The following PRDM11 variants were observed in gnomAD, a reference collection of about 807,000 sequenced individuals.
PRDM11 encodes PR/SET domain 11.
A neutral mutation model predicts 97.8 loss-of-function variants in PRDM11; 20 were observed. That is an observed-to-expected ratio of 0.20 (90% CI 0.14 to 0.30). The LOEUF (loss-of-function observed/expected upper bound fraction) is 0.30. Ranked by LOEUF, PRDM11 falls within the 10% of genes least tolerant of loss-of-function variation. The probability of loss-of-function intolerance (pLI) is 1.00; values close to 1 mark genes in which losing one functional copy is unlikely to be tolerated. For synonymous variants in PRDM11, 599 were observed against 637.7 expected (o/e 0.94, Z 0.91); for missense variants, 1,139 against 1,555.2 (o/e 0.73, Z 4.50).
intron 1 of PRDM11, among the ~76,000 whole-genome samples, chr11:45,126,288 C>T (rs1294353446): frequency 6.6e-6 from 1 of 152,002 alleles, no homozygotes; most frequent in African/African-American, 2.4e-5. Flanking sequence ...GACTCTTTAT[C>T]CAATTTGCCA....
At chr11:45,218,467 AT>A (rs1854019525) in intron 5 of PRDM11, among the ~76,000 whole-genome samples, 1 of 152,190 alleles carries the variant, frequency 6.6e-6, no homozygotes, top group Non-Finnish European at 1.5e-5. Context: ...TCTTCTGTGA[AT>A]TTTTGTTTCC....
At chr11:45,130,069 T>C (rs1033411669) in intron 1 of PRDM11, among the ~76,000 whole-genome samples, 1 of 152,186 alleles carries the variant, frequency 6.6e-6, no homozygotes, top group Non-Finnish European at 1.5e-5. Context: ...CTTAGATCAA[T>C]TGGATATTCA....
chr11:45,130,233 A>G (rs986132297), intron 1 of PRDM11, among the ~76,000 whole-genome samples: 5 of 152,202 alleles, frequency 3.3e-5, no homozygotes, highest in African/African-American at 1.2e-4. Context: ...AAGTTGTTAG[A>G]ACACCAAAGC....
rs1320263703 is a variant in PRDM11, at chr11:45,219,132, A to G, written c.555-438A>G. Among the ~76,000 whole-genome samples the G allele has an allele frequency of 6.6e-6, 1 of 152,222 alleles. No homozygotes were observed. Among genetic ancestry groups the G allele is most frequent in the Non-Finnish European group, 1.5e-5 (1 of 68,040 alleles). ...GGGCTATTTCAGCAAGGCTTTGTGA[A>G]ATACTGGAAACAGTTGAAGGACCCC... On this transcript the variant is annotated intron_variant, in intron 5 of 7. Transcript: ENST00000683152. The surrounding 1 kb of genome is among the most constrained non-coding windows in gnomAD (Gnocchi z 4.2).
intron 5 of PRDM11, among the ~76,000 whole-genome samples, chr11:45,215,586 A>G (rs1853934216): frequency 6.6e-6 from 1 of 152,258 alleles, no homozygotes; most frequent in Non-Finnish European, 1.5e-5. Flanking sequence ...CAAAAGGGAC[A>G]GTGAGGACTT....
At chr11:45,121,115 T>C (rs1283124240) in intron 1 of PRDM11, among the ~76,000 whole-genome samples, 1 of 152,016 alleles carries the variant, frequency 6.6e-6, no homozygotes, top group Non-Finnish European at 1.5e-5. Context: ...AAACGAAGAA[T>C]AGATGGTTCA....
chr11:45,212,567 C>G (rs935413105), intron 5 of PRDM11: 1 of 456,222 alleles, frequency 2.2e-6, no homozygotes, highest in African/African-American at 2.0e-5. Flanking sequence ...CAGGCCCGCC[C>G]TGCTCCGTTC....
intron 1 of PRDM11, among the ~76,000 whole-genome samples, chr11:45,173,110 C>T (rs1852241325): frequency 6.6e-6 from 1 of 152,136 alleles, no homozygotes; most frequent in African/African-American, 2.4e-5. Context: ...GGTTCCTGAT[C>T]CAGTCATTGG....
chr11:45,177,393 A>C (rs1475544606), intron 1 of PRDM11, among the ~76,000 whole-genome samples: 1 of 152,212 alleles, frequency 6.6e-6, no homozygotes, highest in Non-Finnish European at 1.5e-5. Flanking sequence ...GGCAGGTAGG[A>C]CTAGAGCATT....
At chr11:45,152,065 C>CATTT (rs764463745) in intron 1 of PRDM11, among the ~76,000 whole-genome samples, 37 of 151,970 alleles carry the variant, frequency 2.4e-4, no homozygotes, top group Non-Finnish European at 5.0e-4. Flanking sequence ...CTCATGGGCA[C>CATTT]ATTTATTTAT....
At chr11:45,112,734 A>G (rs1444030698) in intron 1 of PRDM11, among the ~76,000 whole-genome samples, 1 of 151,914 alleles carries the variant, frequency 6.6e-6, no homozygotes, top group African/African-American at 2.4e-5. Context: ...CTTTGTATAT[A>G]TTCCTTTGAG....
chr11:45,164,646 A>G (rs1852015767), intron 1 of PRDM11, among the ~76,000 whole-genome samples: 1 of 152,194 alleles, frequency 6.6e-6, no homozygotes, highest in South Asian at 2.1e-4. Flanking sequence ...GATTTGGGGT[A>G]AATGAGCCAC....
Position 45,174,120 on chromosome 11 carries a change from T to A in PRDM11, c.-6-7641T>A, listed in dbSNP as rs1461853330. On this transcript the variant is annotated intron_variant, in intron 1 of 7. Transcript: ENST00000683152. ...GGTTGGTTTTTTTTGGTAACTCTAT[T>A]TAAATGGAATCATACAGTATGAGTC... Among the ~76,000 whole-genome samples the A allele has an allele frequency of 2.0e-5, 3 of 152,156 alleles. No individual in the cohort carries two copies. The East Asian group carries it at 5.8e-4, about 29-fold the overall frequency.
chr11:45,116,369 A>C (rs1409538877), intron 1 of PRDM11, among the ~76,000 whole-genome samples: 1 of 152,196 alleles, frequency 6.6e-6, no homozygotes, highest in African/African-American at 2.4e-5. Context: ...TAGAACATTC[A>C]CCAAGACATA....
chr11:45,204,030 A>G (rs929889580), intron 4 of PRDM11, among the ~76,000 whole-genome samples: 30 of 152,250 alleles, frequency 2.0e-4, no homozygotes, highest in African/African-American at 6.8e-4. Flanking sequence ...AAAATTTACC[A>G]CAGACAGATT....
chr11:45,127,367 C>T lies in PRDM11; in HGVS notation c.96+31466C>T, dbSNP rs186764400. ...AGTCATTCTCCGTCCAGCTTTGTTC[C>T]GTTGCTGGTGAGGAGCTGCGTTCCT... On this transcript the variant is annotated intron_variant, in intron 1 of 6. Transcript: ENST00000530656. Among the ~76,000 whole-genome samples the T allele has an allele frequency of 6.4e-4, 98 of 152,320 alleles. 1 individual carries two copies. Among genetic ancestry groups the T allele is most frequent in the South Asian group, 1.7e-3 (8 of 4,824 alleles).
At chr11:45,108,265 G>A (rs1367053380) in intron 1 of PRDM11, among the ~76,000 whole-genome samples, 3 of 152,150 alleles carry the variant, frequency 2.0e-5, no homozygotes, top group African/African-American at 7.2e-5. Flanking sequence ...CCCCATGAGT[G>A]TGACCCGCTG....
chr11:45,111,118 C>G (rs190617630), intron 1 of PRDM11, among the ~76,000 whole-genome samples: 1 of 152,082 alleles, frequency 6.6e-6, no homozygotes, highest in Admixed American at 6.5e-5. Context: ...GTTTTTAAAT[C>G]TCCATAATTC....
intron 1 of PRDM11, among the ~76,000 whole-genome samples, chr11:45,141,169 T>C (rs1851397180): frequency 6.6e-6 from 1 of 152,220 alleles, no homozygotes; most frequent in East Asian, 1.9e-4. Flanking sequence ...TTTTGGTGAA[T>C]AACTGCATGA....
Sources: gnomAD v4.1 joint callset for allele counts (sites outside exome capture counted in the v4.1 genomes callset) on GRCh38, gnomAD v4.1.1 for gene constraint, Gnocchi (gnomAD v3.1) non-coding constraint, MANE v1.5 for transcripts, NCBI Gene and HGNC (gene_info 2026-07-23, HGNC 2026-07-21) for gene names.